SPON1: variants seen among roughly 807,000 people sequenced by gnomAD.
SPON1 encodes the protein spondin-1.
SPON1 carries 52 observed loss-of-function variants against 111.7 expected under a neutral mutation model. That is an observed-to-expected ratio of 0.47 (90% confidence interval 0.37 to 0.59). The LOEUF (loss-of-function observed/expected upper bound fraction) is 0.59. Among genes scored for constraint, SPON1 ranks in the 20% least tolerant of loss-of-function variants. The probability of loss-of-function intolerance (pLI) is 0.00; values close to 1 mark genes in which losing one functional copy is unlikely to be tolerated. For missense variants in SPON1, 957 were observed against 1,068.5 expected (o/e 0.90, Z 1.46); for synonymous variants, 410 against 395.8 (o/e 1.04, Z -0.43).
At chr11:14,198,876 C>T (rs1460241510) in intron 6 of SPON1, among the ~76,000 whole-genome samples, 1 of 152,148 alleles carries the variant, frequency 6.6e-6, no homozygotes, top group Non-Finnish European at 1.5e-5. Flanking sequence ...AGAAAAGGTG[C>T]TTCTGTTGTA....
At chr11:14,147,173 GC>G (rs1564915493) in intron 6 of SPON1, among the ~76,000 whole-genome samples, 1 of 151,458 alleles carries the variant, frequency 6.6e-6, no homozygotes, top group Non-Finnish European at 1.5e-5. Context: ...GGGACTATAG[GC>G]ACCTGCCACC....
chr11:14,114,962 C>T (rs1849255988), intron 5 of SPON1, among the ~76,000 whole-genome samples: 2 of 152,082 alleles, frequency 1.3e-5, no homozygotes, highest in African/African-American at 2.4e-5. Flanking sequence ...AGGTCAAATC[C>T]CAGACTAAAA....
intron 6 of SPON1, among the ~76,000 whole-genome samples, chr11:14,200,623 G>A (rs1048665758): frequency 1.3e-5 from 2 of 151,912 alleles, no homozygotes; most frequent in Non-Finnish European, 2.9e-5. Context: ...AGACCAGCCT[G>A]GCCAACATGG....
At chr11:14,232,650 C>T (rs1554938867) in intron 6 of SPON1, among the ~76,000 whole-genome samples, 1 of 152,182 alleles carries the variant, frequency 6.6e-6, no homozygotes, top group African/African-American at 2.4e-5. Flanking sequence ...GCAATATGAG[C>T]TTATCTTCTA....
rs200471413 is a variant in SPON1, at chr11:14,265,613, A to C, written c.2350A>C (p.Arg784=). Residue 784 remains arginine (R), a synonymous_variant, in exon 16 of 16, where the codon AGA becomes CGA. Transcript: ENST00000576479. The part of the protein sequence containing the change: ...IQERYMTVKK[R]FKSSQFTSCK... ...GGAACGTTACATGACTGTAAAGAAG[A>C]GATTCAAAAGCTCCCAGTTTACCAG... 50 of 1,613,646 alleles carry C rather than the reference A, an allele frequency of 3.1e-5. No individual in the cohort carries two copies. In the African/African-American group the frequency reaches 6.3e-4, roughly 20 times the overall value.
chr11:14,135,128 T>G lies in SPON1; in HGVS notation c.677-292T>G. ...TTTGCCTTACAAATATGATCAGCCT[T>G]TAACGTTCTCTCAACTATCCCCTTC... On this transcript the variant is annotated intron_variant, in intron 5 of 15. Transcript: ENST00000576479. This position sits in a 1 kb window ranked among gnomAD's most constrained non-coding sequence, Gnocchi z 4.4. 3.8e-6 allele frequency: 1 copy of G among 260,426 alleles called. No homozygotes were observed. Among genetic ancestry groups the G allele is most frequent in the Non-Finnish European group, 7.4e-6 (1 of 135,738 alleles). The allele number at this position is 260,426 out of a possible 1,614,324, so 16.1% of individuals were successfully genotyped here. A position where few individuals can be genotyped will look rare whatever the true frequency, so the allele number is the denominator to read the frequency against.
At chr11:14,109,322 A>G (rs946441654) in intron 5 of SPON1, among the ~76,000 whole-genome samples, 6 of 152,272 alleles carry the variant, frequency 3.9e-5, no homozygotes, top group Admixed American at 1.3e-4. Flanking sequence ...AGGTTTCCCT[A>G]GGGTTATGTT....
intron 2 of SPON1, among the ~76,000 whole-genome samples, chr11:14,004,686 T>C (rs1221437836): frequency 6.6e-6 from 1 of 152,234 alleles, no homozygotes; most frequent in Non-Finnish European, 1.5e-5. Context: ...TGGGTTTTTT[T>C]GTTTTTCTGC....
chr11:14,200,477 A>G (rs781796352), intron 6 of SPON1, among the ~76,000 whole-genome samples: 5 of 152,212 alleles, frequency 3.3e-5, no homozygotes, highest in Non-Finnish European at 5.9e-5. Context: ...TGTTGACTTC[A>G]TGAATCTTAA....
chr11:14,234,097 A>G (rs1554939011), intron 6 of SPON1, among the ~76,000 whole-genome samples: 2 of 152,080 alleles, frequency 1.3e-5, no homozygotes, highest in Admixed American at 6.5e-5. Flanking sequence ...ATGTGTTCCC[A>G]TGGGGTAGGG....
chr11:14,247,529 G>C (rs1849006002), intron 7 of SPON1, among the ~76,000 whole-genome samples: 1 of 152,174 alleles, frequency 6.6e-6, no homozygotes, highest in Admixed American at 6.5e-5. Context: ...CCAGTGAGGG[G>C]GGCTACTTCA....
At chr11:14,174,412 A>G (rs1390376374) in intron 6 of SPON1, among the ~76,000 whole-genome samples, 1 of 152,196 alleles carries the variant, frequency 6.6e-6, no homozygotes, top group Non-Finnish European at 1.5e-5. Flanking sequence ...ACCTAGTTAT[A>G]ATGTGAAGTA....
In SPON1 at chr11:13,962,776, G is replaced by C; in HGVS notation, c.-129G>C. Reference sequence around the variant, plus strand: ...CCGAGGCGGGCACGGTCTCCGAGTCGCGGACGCCAGCTCCGAGCTCCCTCT... The same window carrying C: ...CCGAGGCGGGCACGGTCTCCGAGTCCCGGACGCCAGCTCCGAGCTCCCTCT... On this transcript the variant is annotated 5_prime_UTR_variant, in exon 1 of 16. Coordinates refer to ENST00000576479, the MANE Select transcript of SPON1 (RefSeq NM_006108.4). 7.1e-6 allele frequency: 6 copies of C among 850,552 alleles called. No homozygotes were observed. Among genetic ancestry groups the C allele is most frequent in the Non-Finnish European group, 1.0e-5 (6 of 593,482 alleles). The allele number at this position is 850,552 out of a possible 1,614,324, so 52.7% of individuals were successfully genotyped here.
At chr11:13,971,915 A>G (rs2133774894) in intron 1 of SPON1, among the ~76,000 whole-genome samples, 1 of 152,276 alleles carries the variant, frequency 6.6e-6, no homozygotes, top group South Asian at 2.1e-4. Flanking sequence ...GCCAGGGCTG[A>G]CTTGCTTGTA....
chr11:14,146,150 CT>C (rs10674430), intron 6 of SPON1, among the ~76,000 whole-genome samples: 292 of 130,916 alleles, frequency 2.2e-3, no homozygotes, highest in Middle Eastern at 4.1e-3. Flanking sequence ...AATTACTATA[CT>C]TTTTTTTTTT....
chr11:14,205,108 G>A (rs553885780), intron 6 of SPON1, among the ~76,000 whole-genome samples: 9 of 152,278 alleles, frequency 5.9e-5, no homozygotes, highest in Admixed American at 5.9e-4. Flanking sequence ...CCATTTGCCT[G>A]GAATGTTCTC....
Position 14,259,695 on chromosome 11 carries a change from G to A in SPON1, c.1825G>A (p.Glu609Lys). 6.4e-7 allele frequency: 1 copy of A among 1,571,638 alleles called. No individual in the cohort carries two copies. Among genetic ancestry groups the A allele is most frequent in the East Asian group, 2.4e-5 (1 of 42,450 alleles). ...TSQAEKCMMPECHTIPCLLSP... is the reference protein window; with the variant it reads ...TSQAEKCMMPKCHTIPCLLSP... Reference sequence around the variant, plus strand: ...ACAGGCAGAGAAGTGCATGATGCCAGAGTGCCGTGAGTGAGAGCGGGGGTG... The same window carrying A: ...ACAGGCAGAGAAGTGCATGATGCCAAAGTGCCGTGAGTGAGAGCGGGGGTG... The change falls in exon 13 of 16, where the codon GAG (glutamate) becomes AAG (lysine). Residue 609 changes from glutamate to lysine, a missense_variant. By Grantham distance (56) the Glu-to-Lys change is moderately conservative (BLOSUM62 1). Coordinates refer to ENST00000576479, the MANE Select transcript of SPON1 (RefSeq NM_006108.4). The surrounding 1 kb of genome is among the most constrained non-coding windows in gnomAD (Gnocchi z 5.0).
intron 6 of SPON1, among the ~76,000 whole-genome samples, chr11:14,204,762 G>C (rs1848499950): frequency 6.6e-6 from 1 of 151,762 alleles, no homozygotes; most frequent in South Asian, 2.1e-4. Context: ...TCGGCTTACT[G>C]CAAGCTCCGC....
At chr11:14,227,212 A>C (rs1486960897) in intron 6 of SPON1, among the ~76,000 whole-genome samples, 1 of 152,232 alleles carries the variant, frequency 6.6e-6, no homozygotes, top group Non-Finnish European at 1.5e-5. Context: ...CAGTGTCACT[A>C]TGTTGCCCAG....
Sources: allele counts gnomAD v4.1 joint callset (sites outside exome capture counted in the v4.1 genomes callset), GRCh38; gene constraint gnomAD v4.1.1; non-coding constraint Gnocchi (gnomAD v3.1); transcripts MANE v1.5; gene names NCBI Gene and HGNC (gene_info 2026-07-23, HGNC 2026-07-21).